PTPRD: variants seen among roughly 807,000 people sequenced by gnomAD.
PTPRD encodes protein tyrosine phosphatase receptor type D.
Under a neutral mutation model 214.5 loss-of-function variants are expected in PTPRD, and 34 were observed. The ratio of observed to expected loss-of-function variants is 0.16; its 90% CI spans 0.12 to 0.21. PTPRD has a LOEUF of 0.21. Ranked by LOEUF, PTPRD falls within the 10% of genes least tolerant of loss-of-function variation. PTPRD has a pLI of 1.00. For synonymous variants in PTPRD, 1,128 were observed against 845.7 expected, an observed-to-expected ratio of 1.33 and a Z score of -5.79; for missense variants, 2,545 against 2,398.7, an observed-to-expected ratio of 1.06 and a Z score of -1.27.
intron 9 of PTPRD, among the ~76,000 whole-genome samples, chr9:9,302,289 G>A (rs1595453414): frequency 3.3e-5 from 5 of 151,908 alleles, no homozygotes; most frequent in Admixed American, 3.3e-4. Context: ...TGGCAAGTTA[G>A]GAAAGTTAGC....
intron 42 of PTPRD, among the ~76,000 whole-genome samples, chr9:8,340,125 G>C (rs1439292885): frequency 1.3e-5 from 2 of 152,104 alleles, no homozygotes; most frequent in Non-Finnish European, 2.9e-5. Flanking sequence ...TGCTTCACTG[G>C]AAACAAATCA....
intron 8 of PTPRD, among the ~76,000 whole-genome samples, chr9:9,428,997 G>A (rs902184018): frequency 2.6e-5 from 4 of 152,176 alleles, no homozygotes; most frequent in Non-Finnish European, 5.9e-5. Context: ...AAAAGAACTA[G>A]AGAAGCAAGA....
chr9:8,606,211 C>T (rs1436700521), intron 14 of PTPRD, among the ~76,000 whole-genome samples: 1 of 151,994 alleles, frequency 6.6e-6, no homozygotes, highest in Admixed American at 6.6e-5. Flanking sequence ...GGAAAAGTGT[C>T]CAAATAACTG....
At chr9:10,610,797 T>C (rs941879300) in intron 2 of PTPRD, among the ~76,000 whole-genome samples, 2 of 152,310 alleles carry the variant, frequency 1.3e-5, no homozygotes, top group East Asian at 1.9e-4. Flanking sequence ...TCTATTGTCC[T>C]GTCTCATTAC....
At chr9:9,632,920 A>G (rs2095637946) in intron 7 of PTPRD, among the ~76,000 whole-genome samples, 1 of 152,200 alleles carries the variant, frequency 6.6e-6, no homozygotes, top group Admixed American at 6.6e-5. Flanking sequence ...ATGGAGAAGG[A>G]ATAGTAAGAT....
chr9:9,602,620 G>A (rs1026296499), intron 7 of PTPRD, among the ~76,000 whole-genome samples: 7 of 151,766 alleles, frequency 4.6e-5, no homozygotes, highest in South Asian at 4.2e-4. Flanking sequence ...TAAATAATAC[G>A]TACCTATCTT....
At chr9:9,520,082 G>A (rs1192147143) in intron 8 of PTPRD, among the ~76,000 whole-genome samples, 1 of 151,840 alleles carries the variant, frequency 6.6e-6, no homozygotes, top group Non-Finnish European at 1.5e-5. Flanking sequence ...TTTTTCAAGT[G>A]TTTAGTTTTT....
intron 12 of PTPRD, among the ~76,000 whole-genome samples, chr9:8,660,208 C>T (rs952775677): frequency 6.6e-6 from 1 of 151,438 alleles, no homozygotes; most frequent in African/African-American, 2.5e-5. Context: ...TCTTGTCTTA[C>T]ACAGGCACAT....
At chr9:8,436,345 A>T (rs1232958147) in intron 35 of PTPRD, among the ~76,000 whole-genome samples, 1 of 47,354 alleles carries the variant, frequency 2.1e-5, no homozygotes, top group African/African-American at 7.7e-5. Context: ...AAATAAAAAT[A>T]AAAAACAGAA....
rs145452975 is a variant in PTPRD at position 9,968,675 on chromosome 9, T to C, written c.-471-30065A>G. 1.9e-3 allele frequency among the ~76,000 whole-genome samples: 282 copies of C among 152,130 alleles called. 2 individuals are homozygous for C. Among genetic ancestry groups the C allele is most frequent in the African/African-American group, 6.2e-3 (257 of 41,510 alleles). ...TTCCTTTCTTTATGAATTCTGAGGA[T>C]TCCCAAAAAGAAAAATTCCTCTTCC... is the stretch of plus-strand genomic sequence containing the variant. On this transcript the variant is annotated intron_variant, in intron 4 of 45. Transcript: ENST00000381196.
chr9:9,588,298 T>G (rs940951266), intron 7 of PTPRD, among the ~76,000 whole-genome samples: 3 of 151,942 alleles, frequency 2.0e-5, no homozygotes, highest in African/African-American at 7.2e-5. Context: ...TTTCAGTTCA[T>G]TCAGTTCCTT....
chr9:8,449,923 C>G (rs2095870339), intron 33 of PTPRD, 86 bp from the exon 34 acceptor site: 1 of 1,302,000 alleles, frequency 7.7e-7, no homozygotes, highest in East Asian at 2.3e-5. Flanking sequence ...TGCACTCCCC[C>G]CACCTCCCAA....
chr9:10,529,357 G>A (rs555797676), intron 2 of PTPRD, among the ~76,000 whole-genome samples: 1 of 152,152 alleles, frequency 6.6e-6, no homozygotes, highest in East Asian at 1.9e-4. Context: ...AACAATATGT[G>A]GCACATATAC....
At chr9:9,419,115 G>A (rs996723605) in intron 8 of PTPRD, among the ~76,000 whole-genome samples, 2 of 138,800 alleles carry the variant, frequency 1.4e-5, no homozygotes, top group African/African-American at 2.7e-5. Flanking sequence ...GAATTCTAAA[G>A]ATAGGCCCCT....
chr9:9,482,675 T>C (rs186038078), intron 8 of PTPRD, among the ~76,000 whole-genome samples: 124 of 152,308 alleles, frequency 8.1e-4, no homozygotes, highest in Non-Finnish European at 1.5e-4. Context: ...GCAGTGGTTC[T>C]AAGCACAACT....
At chr9:8,609,156 C>G (rs1185708266) in intron 14 of PTPRD, among the ~76,000 whole-genome samples, 1 of 152,150 alleles carries the variant, frequency 6.6e-6, no homozygotes, top group Non-Finnish European at 1.5e-5. Flanking sequence ...ATTAAATAAT[C>G]CTTGTTTTCC....
At chr9:10,530,051 T>A (rs1282601776) in intron 2 of PTPRD, among the ~76,000 whole-genome samples, 1 of 152,120 alleles carries the variant, frequency 6.6e-6, no homozygotes, top group Non-Finnish European at 1.5e-5. Flanking sequence ...TGCACATGTA[T>A]CCCAGAACTT....
chr9:10,469,302 A>G (rs1330326963), intron 2 of PTPRD, among the ~76,000 whole-genome samples: 1 of 152,230 alleles, frequency 6.6e-6, no homozygotes, highest in Non-Finnish European at 1.5e-5. Flanking sequence ...TTTAAAAGTC[A>G]GCATTTATAA....
At chr9:8,969,081 C>T (rs1017498502) in intron 11 of PTPRD, among the ~76,000 whole-genome samples, 1 of 151,994 alleles carries the variant, frequency 6.6e-6, no homozygotes, top group African/African-American at 2.4e-5. Context: ...ACAAAAGGAA[C>T]CACTCCTCCT....
Sources: gnomAD v4.1 joint callset for allele counts (sites outside exome capture counted in the v4.1 genomes callset) on GRCh38, gnomAD v4.1.1 for gene constraint, MANE v1.5 for transcripts, NCBI Gene and HGNC (gene_info 2026-07-23, HGNC 2026-07-21) for gene names.